Variants in KCNMA1 observed in about 807,000 individuals in gnomAD.
KCNMA1 encodes Calcium-activated potassium channel subunit alpha-1.
In KCNMA1, 29 loss-of-function variants were observed where a neutral mutation model predicts 140.0. That is an observed-to-expected ratio of 0.21 (90% confidence interval 0.15 to 0.28). The LOEUF (loss-of-function observed/expected upper bound fraction) is 0.28, where lower values mean the gene tolerates loss of function less well. Ranked by LOEUF, KCNMA1 falls within the 10% of genes least tolerant of loss-of-function variation. The pLI, the probability that KCNMA1 is intolerant of heterozygous loss-of-function variation, is 1.00. For synonymous variants in KCNMA1, 612 were observed against 611.9 expected (o/e 1.00, Z 0.00); for missense variants, 880 against 1,602.2 (o/e 0.55, Z 7.70).
chr10:76,878,181 C>T (rs1364375398), intron 29 of KCNMA1, among the ~76,000 whole-genome samples: 1 of 152,098 alleles, frequency 6.6e-6, no homozygotes, highest in East Asian at 1.9e-4. Flanking sequence ...CTGGCAATGT[C>T]CCTTGGAGTT....
At chr10:77,199,912 G>A (rs2154152699) in intron 3 of KCNMA1, among the ~76,000 whole-genome samples, 1 of 152,212 alleles carries the variant, frequency 6.6e-6, no homozygotes, top group South Asian at 2.1e-4. Flanking sequence ...TATCCTATAG[G>A]AAATAGGGAG....
At chr10:76,876,468 C>T (rs1392251295), downstream of KCNMA1, 1 of 152,622 alleles carries the variant, frequency 6.6e-6, no homozygotes, top group African/African-American at 2.4e-5. Context: ...GTAATTGCAT[C>T]TGATGGCTAG....
At chr10:77,261,684 C>T (rs1190853924) in intron 2 of KCNMA1, among the ~76,000 whole-genome samples, 1 of 152,182 alleles carries the variant, frequency 6.6e-6, no homozygotes, top group East Asian at 1.9e-4. Context: ...TGAAATCTTA[C>T]ATCATTGCAT....
intron 14 of KCNMA1, among the ~76,000 whole-genome samples, chr10:77,070,832 A>C (rs1051564105): frequency 6.6e-6 from 1 of 152,170 alleles, no homozygotes; most frequent in African/African-American, 2.4e-5. Context: ...CAAAGATAGC[A>C]ATGTAGAATG....
intron 9 of KCNMA1, chr10:77,091,969 C>T (rs1162590755): frequency 6.6e-6 from 1 of 152,154 alleles, no homozygotes; most frequent in Non-Finnish European, 1.5e-5. Flanking sequence ...AATAATATCA[C>T]CATTATAGAC....
chr10:76,927,257 A>C (rs1401194674), intron 23 of KCNMA1, among the ~76,000 whole-genome samples: 1 of 152,158 alleles, frequency 6.6e-6, no homozygotes, highest in Non-Finnish European at 1.5e-5. Flanking sequence ...TTCTCAAACC[A>C]AGGAGAAGGA....
At chr10:77,594,255 T>C (rs1021791008) in intron 1 of KCNMA1, among the ~76,000 whole-genome samples, 1 of 152,142 alleles carries the variant, frequency 6.6e-6, no homozygotes, top group Non-Finnish European at 1.5e-5. Flanking sequence ...CCCCTCACCA[T>C]TCGGTTGCAA....
intron 3 of KCNMA1, among the ~76,000 whole-genome samples, chr10:77,209,689 A>G (rs745583519): frequency 3.3e-5 from 5 of 152,178 alleles, no homozygotes; most frequent in African/African-American, 7.2e-5. Flanking sequence ...AAGAAGATTC[A>G]AATAAGTGCA....
At position 76,960,179 on chromosome 10, in the gene KCNMA1, C is replaced by A. The variant is rs1482898320; in HGVS notation, c.2361-6255G>T. On this transcript the variant is annotated intron_variant, in intron 20 of 27. Coordinates refer to ENST00000286628, the MANE Select transcript of KCNMA1 (RefSeq NM_001161352.2). ...TGATTAGCAGAAATTCACCCCATAA[C>A]CCTTGCATCTCAGCTCACCCTCCAG... Among the ~76,000 whole-genome samples the A allele has an allele frequency of 1.5e-4, 23 of 152,306 alleles. No individual in the cohort carries two copies. The East Asian group carries it at 3.5e-3, about 23-fold the overall frequency.
intron 3 of KCNMA1, among the ~76,000 whole-genome samples, chr10:77,203,435 C>G (rs2043058186): frequency 6.6e-6 from 1 of 152,138 alleles, no homozygotes; most frequent in Non-Finnish European, 1.5e-5. Context: ...GAAAGCCTCC[C>G]CTGATCCTCC....
At chr10:77,394,551 A>ATTCTC (rs1289506317) in intron 2 of KCNMA1, among the ~76,000 whole-genome samples, 1 of 152,188 alleles carries the variant, frequency 6.6e-6, no homozygotes, top group Non-Finnish European at 1.5e-5. Context: ...TGCTGCTACA[A>ATTCTC]AATTCTCAGA....
chr10:76,886,194 G>T lies in KCNMA1; in HGVS notation c.*1072C>A. The T allele has an allele frequency of 3.0e-6, 3 of 985,300 alleles. No homozygotes were observed. The highest frequency in any genetic ancestry group is 3.6e-6 in the Non-Finnish European group (3 of 829,910). 61.0% of individuals were successfully genotyped at this position (985,300 alleles called of 1,614,324 possible). A position where few individuals can be genotyped will look rare whatever the true frequency, so the allele number is the denominator to read the frequency against. On this transcript the variant is annotated 3_prime_UTR_variant, in exon 28 of 28. Transcript: ENST00000286628. ...TTTGTCTTCCTCTCACTCTACCATT[G>T]CCCCAGCCCTTCCTCCTACCTGGCA...
At chr10:77,494,394 C>G (rs11002181) in intron 1 of KCNMA1, among the ~76,000 whole-genome samples, 41,569 of 152,140 alleles carry the variant, frequency 0.27, 6,081 homozygotes, top group East Asian at 0.6. Flanking sequence ...CACACACATT[C>G]CCTGGAACAG....
chr10:77,110,208 G>C lies in KCNMA1; in HGVS notation c.1096C>G (p.Arg366Gly). ...AGGATGAAGAAGACCATGAAGAGGC[G>C]CCCAAGTGTGGTTTTTGCATAAACA... ...GDVYAKTTLG[R>G]LFMVFFILGG... Residue 366 changes from arginine to glycine, a missense_variant, in exon 8 of 28, where the codon CGC becomes GGC. Physicochemically the swap from Arg to Gly is moderately radical, Grantham distance 125 (BLOSUM62 -2). This residue lies in a region of KCNMA1 where 198 missense variants were observed against 580.1 expected (regional missense o/e 0.34). Transcript: ENST00000286628. 1 of 1,613,904 alleles carries C rather than the reference G, an allele frequency of 6.2e-7. No individual in the cohort carries two copies. Among genetic ancestry groups the C allele is most frequent in the Non-Finnish European group, 8.5e-7 (1 of 1,179,942 alleles).
intron 23 of KCNMA1, among the ~76,000 whole-genome samples, chr10:76,933,744 C>T (rs771767197): frequency 3.9e-5 from 6 of 152,162 alleles, no homozygotes; most frequent in Non-Finnish European, 7.3e-5. Context: ...GGTAGAACAT[C>T]TCTCCTGGAG....
chr10:77,092,686 C>G (rs988908335), intron 9 of KCNMA1, among the ~76,000 whole-genome samples: 3 of 152,224 alleles, frequency 2.0e-5, no homozygotes, highest in African/African-American at 7.2e-5. Context: ...CCTCCTGTGC[C>G]AGGCATTGTA....
intron 23 of KCNMA1, among the ~76,000 whole-genome samples, chr10:76,933,314 T>A (rs913360287): frequency 1.3e-5 from 2 of 152,176 alleles, no homozygotes. Context: ...GTCTACTAGG[T>A]GTGAGGTACT....
rs534460760 is a variant in KCNMA1 at position 77,348,918 on chromosome 10, T to C, written c.540+54944A>G. Among the ~76,000 whole-genome samples the C allele has an allele frequency of 1.2e-3, 186 of 152,330 alleles. 1 individual carries two copies. Among genetic ancestry groups the C allele is most frequent in the African/African-American group, 4.3e-3 (179 of 41,580 alleles). Reference sequence around the variant, plus strand: ...CCACATCCCTCTCTCTCTCACACTCTTTCTCTGAGCAAATCTAAAATCTAG... The same window carrying C: ...CCACATCCCTCTCTCTCTCACACTCCTTCTCTGAGCAAATCTAAAATCTAG... On this transcript the variant is annotated intron_variant, in intron 2 of 27. Transcript: ENST00000286628.
At chr10:77,296,602 C>T (rs1198245993) in intron 2 of KCNMA1, among the ~76,000 whole-genome samples, 1 of 152,026 alleles carries the variant, frequency 6.6e-6, no homozygotes, top group Non-Finnish European at 1.5e-5. Context: ...CTGCTGGGGA[C>T]AGGACAGATT....
Sources: allele counts gnomAD v4.1 joint callset (sites outside exome capture counted in the v4.1 genomes callset), GRCh38; gene constraint gnomAD v4.1.1; regional missense constraint gnomAD v4.1.1; transcripts MANE v1.5; gene names NCBI Gene and HGNC (gene_info 2026-07-23, HGNC 2026-07-21).